ATP8A2: variants seen among roughly 807,000 people sequenced by gnomAD.
ATP8A2 encodes ATPase phospholipid transporting 8A2, also known as phospholipid-transporting ATPase IB.
Under a neutral mutation model 165.6 loss-of-function variants are expected in ATP8A2, and 100 were observed. The ratio of observed to expected loss-of-function variants is 0.60; its 90% CI spans 0.51 to 0.71. The LOEUF is 0.71. Among genes scored for constraint, ATP8A2 ranks in the 30% least tolerant of loss-of-function variants. ATP8A2 has a pLI of 0.00. For missense variants in ATP8A2, 1,227 were observed against 1,479.5 expected, an observed-to-expected ratio of 0.83 and a Z score of 2.80; for synonymous variants, 543 against 548.8, an observed-to-expected ratio of 0.99 and a Z score of 0.15.
At chr13:25,418,339 CAGTACCCTAT>C (rs1406506381) in intron 1 of ATP8A2, among the ~76,000 whole-genome samples, 3 of 152,104 alleles carry the variant, frequency 2.0e-5, no homozygotes, top group Non-Finnish European at 4.4e-5. Context: ...GGATAAATGG[CAGTACCCTAT>C]AGAAGGTAAC....
At chr13:25,431,468 T>C (rs543687804) in intron 1 of ATP8A2, among the ~76,000 whole-genome samples, 4 of 152,008 alleles carry the variant, frequency 2.6e-5, no homozygotes, top group Admixed American at 6.6e-5. Flanking sequence ...AGATTTTAAT[T>C]GATGAATTCT....
chr13:25,469,637 C>T (rs183175752), intron 2 of ATP8A2, among the ~76,000 whole-genome samples: 1 of 152,288 alleles, frequency 6.6e-6, no homozygotes, highest in East Asian at 1.9e-4. Context: ...GAAAGATGGA[C>T]AGAAGCTAGC....
intron 25 of ATP8A2, among the ~76,000 whole-genome samples, chr13:25,730,549 A>T (rs1315773758): frequency 6.6e-6 from 1 of 152,198 alleles, no homozygotes; most frequent in Non-Finnish European, 1.5e-5. Flanking sequence ...GTGGCATGAT[A>T]TCTGTCACAC....
intron 24 of ATP8A2, among the ~76,000 whole-genome samples, chr13:25,674,249 T>A (rs946662462): frequency 1.3e-4 from 20 of 151,330 alleles, no homozygotes; most frequent in African/African-American, 4.9e-4. Context: ...AGAACTCCTA[T>A]GAGGGTCCAG....
chr13:25,914,043 T>TTGATG (rs1279689766), intron 33 of ATP8A2, among the ~76,000 whole-genome samples: 4 of 152,226 alleles, frequency 2.6e-5, no homozygotes, highest in African/African-American at 9.6e-5. Context: ...ATCATCTCAC[T>TTGATG]TGATGTTTGT....
chr13:25,399,592 C>T (rs1177193725), intron 1 of ATP8A2, among the ~76,000 whole-genome samples: 1 of 118,822 alleles, frequency 8.4e-6, no homozygotes, highest in Non-Finnish European at 1.8e-5. Flanking sequence ...TTAGTAGAGA[C>T]GGGGTTTCAC....
intron 1 of ATP8A2, among the ~76,000 whole-genome samples, chr13:25,455,248 G>A (rs1320253209): frequency 2.6e-5 from 4 of 152,218 alleles, no homozygotes; most frequent in African/African-American, 7.2e-5. Context: ...CTCCTTGATT[G>A]TGGCCCTCCT....
intron 25 of ATP8A2, among the ~76,000 whole-genome samples, chr13:25,714,151 G>A (rs1191141209): frequency 6.6e-6 from 1 of 151,980 alleles, no homozygotes; most frequent in Non-Finnish European, 1.5e-5. Flanking sequence ...AGGAAGGAGG[G>A]AGGGAAGGAA....
chr13:26,012,667 C>T (rs762218998), intron 36 of ATP8A2, 45 bp downstream of exon 36: 68 of 940,452 alleles, frequency 7.2e-5, no homozygotes, highest in Non-Finnish European at 8.7e-5. Context: ...GGTGTCGGTG[C>T]GGGGCGGGGG....
chr13:25,778,107 T>C (rs2044783622), intron 27 of ATP8A2, among the ~76,000 whole-genome samples: 2 of 152,292 alleles, frequency 1.3e-5, no homozygotes, highest in South Asian at 4.1e-4. Context: ...ACAGGGGGGT[T>C]TCCTGCAATC....
At chr13:25,595,558 GC>G (rs963549464) in intron 24 of ATP8A2, among the ~76,000 whole-genome samples, 2 of 152,140 alleles carry the variant, frequency 1.3e-5, no homozygotes, top group Admixed American at 1.3e-4. Flanking sequence ...ATGGTATAAG[GC>G]TGGAGCTACT....
chr13:25,401,962 TCCTC>T (rs2033651049), intron 1 of ATP8A2, among the ~76,000 whole-genome samples: 1 of 151,514 alleles, frequency 6.6e-6, no homozygotes, highest in Non-Finnish European at 1.5e-5. Context: ...GCCCAAACGA[TCCTC>T]CCTCCTCAGC....
chr13:25,507,494 G>GGA (rs2037087853), intron 2 of ATP8A2, among the ~76,000 whole-genome samples: 1 of 152,064 alleles, frequency 6.6e-6, no homozygotes, highest in Non-Finnish European at 1.5e-5. Context: ...ACGAACTCCT[G>GGA]ACCTCAGGTG....
chr13:25,811,055 C>T (rs1179400477), intron 27 of ATP8A2, among the ~76,000 whole-genome samples: 1 of 50,392 alleles, frequency 2.0e-5, no homozygotes, highest in Non-Finnish European at 3.8e-5. Flanking sequence ...TTGTCATTTG[C>T]CTCCCTTAAA....
Position 25,592,445 on chromosome 13 carries a change from C to T in ATP8A2, c.2211+2746C>T, listed in dbSNP as rs539431359. Among the ~76,000 whole-genome samples the T allele has an allele frequency of 2.6e-3, 390 of 152,282 alleles. 1 individual carries two copies. The highest frequency in any genetic ancestry group is 9.0e-3 in the African/African-American group (375 of 41,548). On this transcript the variant is annotated intron_variant, in intron 24 of 36. Transcript: ENST00000381655. ...AGTCATGCTGATGAGATAGTGGCTA[C>T]AGTAGCCATGAGGGGCTGAGTACAA...
chr13:25,511,706 T>A (rs2037230624), intron 2 of ATP8A2, among the ~76,000 whole-genome samples: 1 of 152,140 alleles, frequency 6.6e-6, no homozygotes, highest in Non-Finnish European at 1.5e-5. Flanking sequence ...AATATCTTTA[T>A]GGTTTAGAAA....
Position 25,983,882 on chromosome 13 carries a change from T to A in ATP8A2, c.3377+15203T>A, listed in dbSNP as rs74701785. Among the ~76,000 whole-genome samples the A allele has an allele frequency of 6.5e-3, 983 of 151,892 alleles. 5 individuals are homozygous for A. Among genetic ancestry groups the A allele is most frequent in the Middle Eastern group, 0.027 (8 of 294 alleles). On this transcript the variant is annotated intron_variant, in intron 35 of 36. Transcript: ENST00000381655. ...GACATTCCAGAGTGCCCAAGGAAAATTAGAATTCCCAAGCAGGTAGTGAAG... is the reference window on the plus strand; with the variant it reads ...GACATTCCAGAGTGCCCAAGGAAAAATAGAATTCCCAAGCAGGTAGTGAAG...
rs950670526 is a variant in ATP8A2 at position 25,505,194 on chromosome 13, C to T, written c.222-24805C>T. Among the ~76,000 whole-genome samples, 7 of 54,516 alleles carry T rather than the reference C, an allele frequency of 1.3e-4. 1 individual carries two copies. The highest frequency in any genetic ancestry group is 5.5e-4 in the Admixed American group (2 of 3,610). The allele number at this position is 54,516 out of a possible 152,430, so 35.8% of individuals were successfully genotyped here. On this transcript the variant is annotated intron_variant, in intron 2 of 36. Transcript: ENST00000381655. ...ATTTGTTAAGTAGGATTTGTTTTTT[C>T]GGCGGGGCGGGGGGGGGTGGTGGTC...
At chr13:25,841,279 G>A (rs1951742516) in intron 30 of ATP8A2, among the ~76,000 whole-genome samples, 2 of 152,216 alleles carry the variant, frequency 1.3e-5, no homozygotes, top group Admixed American at 1.3e-4. Context: ...TTTTAAATTA[G>A]TGCTATCCTT....
Sources: gnomAD v4.1 joint callset for allele counts (sites outside exome capture counted in the v4.1 genomes callset) on GRCh38, gnomAD v4.1.1 for gene constraint, MANE v1.5 for transcripts, NCBI Gene and HGNC (gene_info 2026-07-23, HGNC 2026-07-21) for gene names.